The following RORA variants were observed in gnomAD, a reference collection of about 807,000 sequenced individuals.
RORA encodes the protein nuclear receptor ROR-alpha.
Under a neutral mutation model 69.5 loss-of-function variants are expected in RORA, and 7 were observed. That is an observed-to-expected ratio of 0.10 (90% CI 0.06 to 0.19). RORA has a LOEUF of 0.19. Ranked by LOEUF, RORA falls within the 10% of genes least tolerant of loss-of-function variation. RORA has a pLI of 1.00. For missense variants in RORA, 457 were observed against 663.0 expected, an observed-to-expected ratio of 0.69 and a Z score of 3.41; for synonymous variants, 261 against 240.8, an observed-to-expected ratio of 1.08 and a Z score of -0.78.
intron 2 of RORA, among the ~76,000 whole-genome samples, chr15:60,602,236 G>C: frequency 6.6e-6 from 1 of 152,114 alleles, no homozygotes; most frequent in African/African-American, 2.4e-5. Flanking sequence ...CACTCAAAGA[G>C]GGCATTTGGT....
intron 1 of RORA, among the ~76,000 whole-genome samples, chr15:60,855,965 T>C (rs1011894169): frequency 5.3e-5 from 8 of 152,160 alleles, no homozygotes; most frequent in African/African-American, 1.2e-4. Flanking sequence ...TGAACTAATA[T>C]TAAATACAGT....
intron 1 of RORA, among the ~76,000 whole-genome samples, chr15:60,751,520 A>G (rs2071723098): frequency 6.6e-6 from 1 of 152,154 alleles, no homozygotes; most frequent in African/African-American, 2.4e-5. Context: ...TTTGATCAGT[A>G]TTTTCTTTAT....
intron 1 of RORA, among the ~76,000 whole-genome samples, chr15:61,164,183 G>A (rs1240142433): frequency 2.0e-5 from 3 of 151,784 alleles, no homozygotes; most frequent in East Asian, 1.9e-4. Context: ...TCTTAACTAC[G>A]TATTAATGGG....
chr15:61,228,797 A>C (rs1416729854), intron 1 of RORA, among the ~76,000 whole-genome samples: 2 of 151,694 alleles, frequency 1.3e-5, no homozygotes, highest in Non-Finnish European at 2.9e-5. Flanking sequence ...CAGGGGGGTG[A>C]GCCCGCCGGC....
At chr15:60,695,977 C>G (rs148280697) in intron 1 of RORA, among the ~76,000 whole-genome samples, 1 of 152,170 alleles carries the variant, frequency 6.6e-6, no homozygotes, top group Non-Finnish European at 1.5e-5. Flanking sequence ...GATAAACCAC[C>G]GGCGCTTCAA....
chr15:60,611,526 A>G lies in RORA; in HGVS notation c.196+67131T>C, dbSNP rs148080145. Among the ~76,000 whole-genome samples, 133 of 138,304 alleles carry G rather than the reference A, an allele frequency of 9.6e-4. 1 individual carries two copies. The highest frequency in any genetic ancestry group is 3.2e-3 in the African/African-American group (120 of 37,122). The allele number at this position is 138,304 out of a possible 152,430, so 90.7% of individuals were successfully genotyped here. On this transcript the variant is annotated intron_variant, in intron 2 of 10. Coordinates refer to ENST00000335670, the MANE Select transcript of RORA (RefSeq NM_134261.3). ...TGTCTTGGTAGAAAGCAAAATCAAC[A>G]TGTATCTTTACCTCAAACAATCTTG...
At chr15:60,654,272 G>A (rs930350079) in intron 2 of RORA, among the ~76,000 whole-genome samples, 1 of 152,220 alleles carries the variant, frequency 6.6e-6, no homozygotes, top group Admixed American at 6.5e-5. Flanking sequence ...CTGTTTTCAA[G>A]GTAGAGTTTT....
chr15:60,617,640 G>A (rs954400760), intron 2 of RORA, among the ~76,000 whole-genome samples: 4 of 141,224 alleles, frequency 2.8e-5, no homozygotes, highest in South Asian at 2.3e-4. Context: ...ACACACACAC[G>A]CACATACACA....
In RORA at chr15:60,586,445, G is replaced by A. The variant is rs184342291; in HGVS notation, c.197-54594C>T. Reference sequence around the variant, plus strand: ...ACTGGAGAGGGACAGCAGATATTACGTATTAGAGGGGTGTGTGTGTGTGTG... The same window carrying A: ...ACTGGAGAGGGACAGCAGATATTACATATTAGAGGGGTGTGTGTGTGTGTG... On this transcript the variant is annotated intron_variant, in intron 2 of 10. Coordinates refer to ENST00000335670, the MANE Select transcript of RORA (RefSeq NM_134261.3). Among the ~76,000 whole-genome samples, 54 of 151,922 alleles carry A rather than the reference G, an allele frequency of 3.6e-4. 1 individual carries two copies. The highest frequency in any genetic ancestry group is 1.2e-3 in the Admixed American group (19 of 15,264).
chr15:60,830,768 G>T (rs1421289535), intron 1 of RORA, among the ~76,000 whole-genome samples: 1 of 152,184 alleles, frequency 6.6e-6, no homozygotes, highest in African/African-American at 2.4e-5. Flanking sequence ...AGGCTCTAGG[G>T]TACACAAGAA....
intron 2 of RORA, among the ~76,000 whole-genome samples, chr15:60,640,360 C>A (rs986111210): frequency 6.6e-6 from 1 of 152,220 alleles, no homozygotes; most frequent in African/African-American, 2.4e-5. Context: ...GTCAGTCCAA[C>A]GTGTAGGCCG....
intron 1 of RORA, among the ~76,000 whole-genome samples, chr15:61,088,813 T>C (rs1000287655): frequency 6.6e-6 from 1 of 152,160 alleles, no homozygotes; most frequent in African/African-American, 2.4e-5. Flanking sequence ...GTCTCCTCCA[T>C]CATCACTGAA....
At chr15:61,181,479 C>T (rs1214318588) in intron 1 of RORA, 2 of 151,862 alleles carry the variant, frequency 1.3e-5, no homozygotes, top group African/African-American at 4.8e-5. Flanking sequence ...GAAAAAGGGT[C>T]AATTAGCAGA....
At chr15:60,799,961 C>G (rs991993108) in intron 1 of RORA, among the ~76,000 whole-genome samples, 6 of 152,316 alleles carry the variant, frequency 3.9e-5, no homozygotes, top group African/African-American at 1.4e-4. Flanking sequence ...AAAAAATTGT[C>G]TCTGGCTCTG....
chr15:60,821,012 C>T (rs1719079942), intron 1 of RORA, among the ~76,000 whole-genome samples: 1 of 142,050 alleles, frequency 7.0e-6, no homozygotes, highest in Non-Finnish European at 1.5e-5. Context: ...TGGAAGGGAA[C>T]ACCACCAGGA....
chr15:61,159,689 C>T (rs752021971), intron 1 of RORA, among the ~76,000 whole-genome samples: 3 of 152,122 alleles, frequency 2.0e-5, no homozygotes, highest in Non-Finnish European at 4.4e-5. Flanking sequence ...TAATAATGTA[C>T]CTTTGCGGCA....
intron 1 of RORA, among the ~76,000 whole-genome samples, chr15:60,951,124 G>A (rs1031522605): frequency 6.6e-6 from 1 of 152,158 alleles, no homozygotes; most frequent in African/African-American, 2.4e-5. Flanking sequence ...TAGAACTCGG[G>A]ATTAAGAATC....
intron 2 of RORA, among the ~76,000 whole-genome samples, chr15:60,617,904 G>C (rs2140611064): frequency 6.6e-6 from 1 of 152,234 alleles, no homozygotes; most frequent in Non-Finnish European, 1.5e-5. Context: ...TGTGGGTATG[G>C]GGGAAAAATA....
At chr15:61,114,008 C>T (rs1307220647) in intron 1 of RORA, among the ~76,000 whole-genome samples, 7 of 152,172 alleles carry the variant, frequency 4.6e-5, no homozygotes, top group Admixed American at 1.3e-4. Flanking sequence ...TGTTTCCTGT[C>T]CCATGAAGCT....
Sources: gnomAD v4.1 joint callset for allele counts (sites outside exome capture counted in the v4.1 genomes callset) on GRCh38, gnomAD v4.1.1 for gene constraint, MANE v1.5 for transcripts, NCBI Gene and HGNC (gene_info 2026-07-23, HGNC 2026-07-21) for gene names.